C1QTNF3: variants seen among roughly 807,000 people sequenced by gnomAD.
C1QTNF3 encodes complement C1q tumor necrosis factor-related protein 3.
A neutral mutation model predicts 32.6 loss-of-function variants in C1QTNF3; 26 were observed. The ratio of observed to expected loss-of-function variants is 0.80; its 90% CI spans 0.58 to 1.11. The LOEUF is 1.11. C1QTNF3 is among the 50% of genes least tolerant of loss of function. The probability of loss-of-function intolerance (pLI) is 0.00; values close to 1 mark genes in which losing one functional copy is unlikely to be tolerated. For synonymous variants in C1QTNF3, 155 were observed against 146.0 expected (o/e 1.06, Z -0.44); for missense variants, 362 against 398.2 (o/e 0.91, Z 0.77).
the C1QTNF3 span, among the ~76,000 whole-genome samples, chr5:34,154,939 C>G: frequency 3.3e-5 from 5 of 152,130 alleles, no homozygotes; most frequent in African/African-American, 7.2e-5. Flanking sequence ...TGAAGCAATG[C>G]TAATCAATTT....
chr5:34,071,026 T>C, the C1QTNF3 span, among the ~76,000 whole-genome samples: 2 of 152,216 alleles, frequency 1.3e-5, no homozygotes, highest in East Asian at 1.9e-4. Flanking sequence ...TATTCAATTA[T>C]ATAGCAATCA....
chr5:34,027,019 C>G (rs572353439), intron 4 of C1QTNF3, among the ~76,000 whole-genome samples: 1 of 152,166 alleles, frequency 6.6e-6, no homozygotes, highest in Non-Finnish European at 1.5e-5. Context: ...ATAATTTAGT[C>G]ATAGTATTGT....
the C1QTNF3 span, among the ~76,000 whole-genome samples, chr5:34,081,521 TA>T: frequency 5.3e-5 from 8 of 151,684 alleles, no homozygotes; most frequent in African/African-American, 2.0e-4. Flanking sequence ...CTTAATTATT[TA>T]TTTTTTGGCA....
the C1QTNF3 span, among the ~76,000 whole-genome samples, chr5:34,120,297 C>T: frequency 6.6e-6 from 1 of 152,048 alleles, no homozygotes; most frequent in Admixed American, 6.6e-5. Context: ...TAGATCATAT[C>T]AGTTTCAGTT....
intron 5 of C1QTNF3, among the ~76,000 whole-genome samples, chr5:34,023,494 T>G (rs570530275): frequency 6.6e-6 from 1 of 152,278 alleles, no homozygotes; most frequent in Non-Finnish European, 1.5e-5. Context: ...CCACAAAGTT[T>G]TTCATAGATA....
the C1QTNF3 span, among the ~76,000 whole-genome samples, chr5:34,115,663 G>A: frequency 9.9e-5 from 15 of 151,124 alleles, no homozygotes; most frequent in East Asian, 2.0e-3. Context: ...CCCGGGAGGC[G>A]AAGCTTGCAG....
the C1QTNF3 span, among the ~76,000 whole-genome samples, chr5:34,107,654 T>C: frequency 6.6e-6 from 1 of 151,922 alleles, no homozygotes; most frequent in South Asian, 2.1e-4. Context: ...CAGGACCTAA[T>C]AAAACAGCAT....
At chr5:34,211,476 G>T in the C1QTNF3 span, among the ~76,000 whole-genome samples, 4 of 151,298 alleles carry the variant, frequency 2.6e-5, no homozygotes, top group Admixed American at 6.6e-5. Context: ...GTGCCATGCT[G>T]GTGTGCTGCA....
the C1QTNF3 span, among the ~76,000 whole-genome samples, chr5:34,061,388 G>C: frequency 6.6e-6 from 1 of 152,130 alleles, no homozygotes; most frequent in African/African-American, 2.4e-5. Context: ...AGTGGCCTTC[G>C]TCTTGCAGCT....
chr5:34,111,884 A>G, the C1QTNF3 span, among the ~76,000 whole-genome samples: 2 of 152,162 alleles, frequency 1.3e-5, no homozygotes, highest in Non-Finnish European at 2.9e-5. Context: ...TGCATTTCAC[A>G]TTTACTTACA....
chr5:34,092,218 T>C, the C1QTNF3 span, among the ~76,000 whole-genome samples: 2 of 151,994 alleles, frequency 1.3e-5, no homozygotes, highest in Non-Finnish European at 2.9e-5. Context: ...ATCTATCTAT[T>C]TGAGAAGAAT....
the C1QTNF3 span, among the ~76,000 whole-genome samples, chr5:34,127,629 C>T: frequency 5.3e-5 from 8 of 150,820 alleles, no homozygotes; most frequent in Admixed American, 4.6e-4. Flanking sequence ...GCTCTGTCAC[C>T]CAGACTGGAG....
chr5:34,235,671 T>C, the C1QTNF3 span, among the ~76,000 whole-genome samples: 1 of 151,782 alleles, frequency 6.6e-6, no homozygotes, highest in South Asian at 2.1e-4. Context: ...AATATTAAGC[T>C]TCCAATTAAT....
chr5:34,101,230 A>C, the C1QTNF3 span, among the ~76,000 whole-genome samples: 1 of 150,668 alleles, frequency 6.6e-6, no homozygotes, highest in South Asian at 2.2e-4. Flanking sequence ...ATCTTGGTGG[A>C]AGTATTTTCT....
chr5:34,088,142 G>T, the C1QTNF3 span, among the ~76,000 whole-genome samples: 1 of 152,234 alleles, frequency 6.6e-6, no homozygotes, highest in Non-Finnish European at 1.5e-5. Flanking sequence ...CTCTAGATTT[G>T]CTTCATTAAG....
At chr5:34,217,532 G>A in the C1QTNF3 span, among the ~76,000 whole-genome samples, 13 of 152,078 alleles carry the variant, frequency 8.5e-5, no homozygotes, top group African/African-American at 2.9e-4. Context: ...CAGCAGCAGA[G>A]TGTAGAAAAA....
chr5:34,046,712 C>T (rs1754991447), upstream of C1QTNF3, among the ~76,000 whole-genome samples: 1 of 152,136 alleles, frequency 6.6e-6, no homozygotes, highest in African/African-American at 2.4e-5. Context: ...TCAGTCTTAG[C>T]AAACAAATAG....
the C1QTNF3 span, among the ~76,000 whole-genome samples, chr5:34,177,650 C>A: frequency 1.3e-5 from 2 of 151,914 alleles, no homozygotes; most frequent in African/African-American, 4.8e-5. Flanking sequence ...CCACACCCAG[C>A]TAATTTCTGT....
At chr5:34,219,686 T>G in the C1QTNF3 span, among the ~76,000 whole-genome samples, 1 of 152,118 alleles carries the variant, frequency 6.6e-6, no homozygotes, top group African/African-American at 2.4e-5. Flanking sequence ...CTTCTAACAG[T>G]GGTCCTGATC....
Sources: allele counts gnomAD v4.1 joint callset (sites outside exome capture counted in the v4.1 genomes callset), GRCh38; gene constraint gnomAD v4.1.1; transcripts MANE v1.5; gene names NCBI Gene and HGNC (gene_info 2026-07-23, HGNC 2026-07-21).